CRBN: variants seen among roughly 807,000 people sequenced by gnomAD.
The protein encoded by CRBN is cereblon, also known as protein cereblon.
In CRBN, 53 loss-of-function variants were observed where a neutral mutation model predicts 62.2. That is an observed-to-expected ratio of 0.85 (90% confidence interval 0.68 to 1.07). The LOEUF (loss-of-function observed/expected upper bound fraction) is 1.07. Ranked by LOEUF, CRBN falls within the 50% of genes least tolerant of loss-of-function variation. The pLI is 0.00. For synonymous variants in CRBN, 208 were observed against 176.1 expected (o/e 1.18, Z -1.43); for missense variants, 616 against 531.1 (o/e 1.16, Z -1.57).
intron 7 of CRBN, chr3:3,154,387 GTATC>G (rs1706785612): frequency 2.3e-6 from 1 of 437,766 alleles, no homozygotes; most frequent in African/African-American, 2.0e-5. Context: ...GATAAAGAGA[GTATC>G]TATAATTAAG....
chr3:3,155,508 A>C (rs1011900425), intron 6 of CRBN: 2 of 153,052 alleles, frequency 1.3e-5, no homozygotes, highest in African/African-American at 4.8e-5. Context: ...CCCACAGAGT[A>C]AGTGACAGAA....
rs1289203689 is a variant in CRBN at position 3,150,583 on chromosome 3, A to G, written c.*282T>C. 1 of 302,832 alleles carries G rather than the reference A, an allele frequency of 3.3e-6. No homozygotes were observed. Among genetic ancestry groups the G allele is most frequent in the African/African-American group, 2.2e-5 (1 of 45,808 alleles). The allele number at this position is 302,832 out of a possible 1,614,324, so 18.8% of individuals were successfully genotyped here. A position where few individuals can be genotyped will look rare whatever the true frequency, so the allele number is the denominator to read the frequency against. ...CCAAAGATGTCTTCATGTCCCATCA[A>G]TGACATGCTACCAGACATATCAGAT... is the stretch of plus-strand genomic sequence containing the variant. On this transcript the variant is annotated 3_prime_UTR_variant, in exon 11 of 11. Transcript: ENST00000231948.
chr3:3,170,758 G>C (rs1176580481), intron 4 of CRBN, among the ~76,000 whole-genome samples: 1 of 152,160 alleles, frequency 6.6e-6, no homozygotes, highest in African/African-American at 2.4e-5. Context: ...GAATACTAGA[G>C]AGAATGTGCC....
chr3:3,166,961 T>C, intron 5 of CRBN, among the ~76,000 whole-genome samples: 1 of 151,936 alleles, frequency 6.6e-6, no homozygotes, highest in Non-Finnish European at 1.5e-5. Flanking sequence ...AAAAGCCCAA[T>C]TATTCTAAAT....
At chr3:3,165,400 G>C (rs888464979) in intron 5 of CRBN, among the ~76,000 whole-genome samples, 9 of 152,124 alleles carry the variant, frequency 5.9e-5, no homozygotes, top group African/African-American at 2.2e-4. Flanking sequence ...GAAAGGAAGA[G>C]TCAATCTGTG....
intron 1 of CRBN, among the ~76,000 whole-genome samples, chr3:3,178,027 AC>A (rs964989943): frequency 3.3e-5 from 5 of 151,920 alleles, no homozygotes; most frequent in East Asian, 3.9e-4. Flanking sequence ...CAAAAAAAAA[AC>A]AAACAAAAAA....
rs1706463363 is a variant in CRBN at position 3,150,673 on chromosome 3, G to GCTTGTTTCCTAAAGTATA, written c.*174_*191dup. ...TCTGGTATTCTAGACTGCCGTTCAT[G>GCTTGTTTCCTAAAGTATA]CTTGTTTCCTAAAGTATACTTAAAA... On this transcript the variant is annotated 3_prime_UTR_variant, in exon 11 of 11. Transcript: ENST00000231948. 1.1e-5 allele frequency: 6 copies of GCTTGTTTCCTAAAGTATA among 568,588 alleles called. No individual in the cohort carries two copies. Among genetic ancestry groups the GCTTGTTTCCTAAAGTATA allele is most frequent in the South Asian group, 4.1e-5 (2 of 49,282 alleles). 35.2% of individuals were successfully genotyped at this position (568,588 alleles called of 1,614,324 possible).
intron 5 of CRBN, among the ~76,000 whole-genome samples, chr3:3,165,006 TAGA>T (rs902325183): frequency 6.6e-6 from 1 of 152,154 alleles, no homozygotes; most frequent in Non-Finnish European, 1.5e-5. Flanking sequence ...AACAGGAATT[TAGA>T]AGAAGTTTAC....
intron 1 of CRBN, among the ~76,000 whole-genome samples, chr3:3,178,429 T>C (rs1707921085): frequency 6.7e-6 from 1 of 150,000 alleles, no homozygotes; most frequent in African/African-American, 2.5e-5. Context: ...TAAAACTGTT[T>C]CTTGGCAATC....
At chr3:3,153,153 T>C (rs866787723) in intron 9 of CRBN, 3 of 414,598 alleles carry the variant, frequency 7.2e-6, no homozygotes, top group African/African-American at 2.0e-5. Flanking sequence ...GTCTAATATA[T>C]AGATTGTCAA....
chr3:3,174,946 G>A (rs1178963278), intron 2 of CRBN, among the ~76,000 whole-genome samples: 1 of 152,124 alleles, frequency 6.6e-6, no homozygotes, highest in East Asian at 1.9e-4. Flanking sequence ...ACCAGAAAGA[G>A]TATAAAGAGC....
chr3:3,152,470 G>C lies in CRBN; in HGVS notation c.1134C>G (p.His378Gln). Residue 378 changes from histidine (H) to glutamine (Q), a missense_variant, in exon 10 of 11, where the codon CAC becomes CAG. By Grantham distance (24) the His-to-Gln change is conservative. Transcript: ENST00000231948. ...LNLIGRPSTE[H>Q]SWFPGYAWTV... ...CATAATATTACCCAGGAAACCAGCT[G>C]TGTTCTGTAGAAGGCCGGCCTATCA... 6.2e-7 allele frequency: 1 copy of C among 1,613,568 alleles called. No homozygotes were observed. Among genetic ancestry groups the C allele is most frequent in the Non-Finnish European group, 8.5e-7 (1 of 1,179,926 alleles).
At chr3:3,160,771 A>G (rs1707108282) in intron 5 of CRBN, among the ~76,000 whole-genome samples, 1 of 152,252 alleles carries the variant, frequency 6.6e-6, no homozygotes. Flanking sequence ...CACAAAGTAT[A>G]AAGTGCCAAC....
chr3:3,178,505 C>G (rs930864092), intron 1 of CRBN, among the ~76,000 whole-genome samples: 2 of 152,188 alleles, frequency 1.3e-5, no homozygotes, highest in African/African-American at 4.8e-5. Context: ...CCCAATATAC[C>G]TCCTAGGCCT....
At chr3:3,151,615 G>GTATA (rs1185182883) in intron 10 of CRBN, among the ~76,000 whole-genome samples, 2 of 151,974 alleles carry the variant, frequency 1.3e-5, no homozygotes, top group Non-Finnish European at 2.9e-5. Context: ...TTTTCCCTAG[G>GTATA]TATACCATGC....
downstream of CRBN, chr3:3,149,824 T>G (rs1706364579): frequency 6.6e-6 from 1 of 152,134 alleles, no homozygotes; most frequent in African/African-American, 2.4e-5. Flanking sequence ...TACATTTGAG[T>G]AAACATTTAA....
At chr3:3,170,067 C>T (rs1161373748) in intron 4 of CRBN, among the ~76,000 whole-genome samples, 1 of 152,134 alleles carries the variant, frequency 6.6e-6, no homozygotes, top group East Asian at 1.9e-4. Flanking sequence ...GCAACCTCTG[C>T]CTCCCAGGTT....
intron 5 of CRBN, among the ~76,000 whole-genome samples, chr3:3,164,064 A>T (rs1242698179): frequency 6.6e-6 from 1 of 152,168 alleles, no homozygotes; most frequent in Non-Finnish European, 1.5e-5. Context: ...AAACTTAACA[A>T]ATGTGTTTTG....
intron 5 of CRBN, among the ~76,000 whole-genome samples, chr3:3,162,469 T>C (rs1053267026): frequency 4.6e-5 from 7 of 152,150 alleles, no homozygotes; most frequent in African/African-American, 1.7e-4. Flanking sequence ...GGAGTGGGTT[T>C]TGAAAGTGTT....
Sources: allele counts gnomAD v4.1 joint callset (sites outside exome capture counted in the v4.1 genomes callset), GRCh38; gene constraint gnomAD v4.1.1; transcripts MANE v1.5; gene names NCBI Gene and HGNC (gene_info 2026-07-23, HGNC 2026-07-21).